The following NEBL variants were observed in gnomAD, a reference collection of about 807,000 sequenced individuals.
NEBL encodes the protein nebulette.
In NEBL, 122 loss-of-function variants were observed where a neutral mutation model predicts 140.2. The observed-to-expected ratio is 0.87, with a 90% CI of 0.75 to 1.01. NEBL has a LOEUF of 1.01. Ranked by LOEUF, NEBL falls within the 50% of genes least tolerant of loss-of-function variation. The pLI, the probability that NEBL is intolerant of heterozygous loss-of-function variation, is 0.00. For missense variants in NEBL, 1,365 were observed against 1,231.3 expected (o/e 1.11, Z -1.62); for synonymous variants, 436 against 398.9 (o/e 1.09, Z -1.11).
intron 4 of NEBL, among the ~76,000 whole-genome samples, chr10:20,884,125 A>G (rs1015258485): frequency 2.0e-5 from 3 of 152,250 alleles, no homozygotes; most frequent in Admixed American, 1.3e-4. Context: ...CTTTGTTTAT[A>G]TAAGTGATAA....
chr10:21,124,272 T>C (rs1207740208), intron 2 of NEBL, among the ~76,000 whole-genome samples: 1 of 152,246 alleles, frequency 6.6e-6, no homozygotes, highest in African/African-American at 2.4e-5. Context: ...TACTGTCCTT[T>C]ATAATTTAAG....
At chr10:21,101,316 A>C (rs1221447021) in intron 2 of NEBL, among the ~76,000 whole-genome samples, 1 of 152,232 alleles carries the variant, frequency 6.6e-6, no homozygotes, top group African/African-American at 2.4e-5. Flanking sequence ...AGTTCTTCCA[A>C]GGTAAGACTT....
intron 26 of NEBL, among the ~76,000 whole-genome samples, chr10:20,793,051 C>T (rs1455298512): frequency 1.3e-5 from 2 of 152,146 alleles, no homozygotes; most frequent in Admixed American, 6.5e-5. Context: ...GGATTCTTAG[C>T]ACTACAGAAA....
intron 2 of NEBL, among the ~76,000 whole-genome samples, chr10:21,023,458 A>C (rs1299132868): frequency 6.6e-6 from 1 of 152,004 alleles, no homozygotes; most frequent in African/African-American, 2.4e-5. Flanking sequence ...CTTTGGGAGG[A>C]CGAGGCAGGT....
intron 2 of NEBL, among the ~76,000 whole-genome samples, chr10:21,053,065 T>TATACAA (rs1834846974): frequency 6.6e-6 from 1 of 152,208 alleles, no homozygotes; most frequent in Non-Finnish European, 1.5e-5. Context: ...ATGCCTTGAT[T>TATACAA]TGATCACTAT....
Position 21,172,447 on chromosome 10 carries a change from C to A in NEBL, c.100G>T (p.Val34Phe). The A allele has an allele frequency of 2.5e-6, 4 of 1,613,018 alleles. No homozygotes were observed. The East Asian group carries it at 8.9e-5, about 36-fold the overall frequency. ...TTCATGTTGAGTGCCATCTTGCAGA[C>A]CTCACAATGGAAACATCCTTTATGC... The change falls in exon 2 of 7, where the codon GTC becomes TTC. Residue 34 changes from valine to phenylalanine, a missense_variant. Coordinates refer to the NEBL transcript ENST00000417816.
chr10:20,868,929 A>G (rs1041751861), intron 6 of NEBL, among the ~76,000 whole-genome samples, 164 bp from the exon 7 acceptor site: 1 of 152,174 alleles, frequency 6.6e-6, no homozygotes, highest in Admixed American at 6.5e-5. Context: ...AATTGATTTT[A>G]TCCTGTGCTT....
rs1841162267 is a variant in NEBL, at chr10:21,173,238, G to A, written c.69+527C>T. Among the ~76,000 whole-genome samples the A allele has an allele frequency of 6.6e-6, 1 of 152,212 alleles. No individual in the cohort carries two copies. On this transcript the variant is annotated intron_variant, in intron 1 of 6. Coordinates refer to the NEBL transcript ENST00000417816. This position sits in a 1 kb window ranked among gnomAD's most constrained non-coding sequence, Gnocchi z 5.7. Reference sequence around the variant, plus strand: ...ACCCGTGGGTCCGGCTTGCCGCGCTGAGCCGGAGCTCTCCAGCAGGGATTA... The same window carrying A: ...ACCCGTGGGTCCGGCTTGCCGCGCTAAGCCGGAGCTCTCCAGCAGGGATTA...
At chr10:21,174,094 C>G in exon 1 of NEBL, 1 of 976,904 alleles carries the variant, frequency 1.0e-6, no homozygotes, top group South Asian at 4.8e-5. Context: ...GGCTCTGCGT[C>G]GCTCGCACTC....
intron 2 of NEBL, among the ~76,000 whole-genome samples, chr10:21,075,651 T>A (rs781497797): frequency 5.3e-5 from 8 of 152,172 alleles, no homozygotes; most frequent in Non-Finnish European, 8.8e-5. Flanking sequence ...GGCCCTCATT[T>A]TCCTCAACTC....
At chr10:21,082,760 C>CTTTTTTTTT (rs1564504896) in intron 2 of NEBL, among the ~76,000 whole-genome samples, 2 of 52,840 alleles carry the variant, frequency 3.8e-5, no homozygotes, top group African/African-American at 1.1e-4. Context: ...AGGAGGGATG[C>CTTTTTTTTT]ATTTTTTTTT....
intron 3 of NEBL, among the ~76,000 whole-genome samples, chr10:21,234,627 C>T (rs72800003): frequency 0.04 from 6,136 of 152,256 alleles, 191 homozygotes; most frequent in South Asian, 0.14. Flanking sequence ...TGAGCAGTGA[C>T]GTGCTGTTAA....
At chr10:21,140,920 GCATGTTCTGCA>G (rs1669651501) in intron 2 of NEBL, among the ~76,000 whole-genome samples, 1 of 151,712 alleles carries the variant, frequency 6.6e-6, no homozygotes, top group Non-Finnish European at 1.5e-5. Context: ...TAACAAACCT[GCATGTTCTGCA>G]CATGTTTCCC....
Position 20,783,465 on chromosome 10 carries a change from C to G in NEBL, c.*2282G>C, listed in dbSNP as rs193130023. ...AGCTTAAAATTTTAGGAGACTTATT[C>G]CTCAAATATGTATTGACTTTTATGC... On this transcript the variant is annotated 3_prime_UTR_variant, in exon 28 of 28. Transcript: ENST00000377122. The G allele has an allele frequency of 3.3e-5, 5 of 152,274 alleles. No homozygotes were observed. Among genetic ancestry groups the G allele is most frequent in the African/African-American group, 1.2e-4 (5 of 41,574 alleles). 9.4% of individuals were successfully genotyped at this position (152,274 alleles called of 1,614,324 possible).
chr10:21,189,455 T>G (rs1841535150), intron 3 of NEBL, among the ~76,000 whole-genome samples: 1 of 152,106 alleles, frequency 6.6e-6, no homozygotes, highest in Admixed American at 6.6e-5. Flanking sequence ...TTGTTGCTTT[T>G]TTTTGGTTTT....
intron 25 of NEBL, 36 bp downstream of exon 25, chr10:20,809,770 C>G (rs1457309779): frequency 2.7e-6 from 4 of 1,463,026 alleles, no homozygotes; most frequent in Non-Finnish European, 3.8e-6. Flanking sequence ...TGGGACAAAA[C>G]CACATAAATG....
chr10:20,932,566 T>C (rs1169775424), intron 4 of NEBL, among the ~76,000 whole-genome samples: 1 of 152,222 alleles, frequency 6.6e-6, no homozygotes, highest in Non-Finnish European at 1.5e-5. Context: ...ATTCTGCACA[T>C]GTATCCCAGA....
intron 1 of NEBL, among the ~76,000 whole-genome samples, chr10:21,276,363 C>CT (rs1842925314): frequency 6.6e-6 from 1 of 152,180 alleles, no homozygotes. Context: ...ACACCTTGGG[C>CT]TTCATCCCAC....
intron 2 of NEBL, among the ~76,000 whole-genome samples, chr10:21,026,475 T>A (rs1170020911): frequency 2.6e-5 from 4 of 152,224 alleles, no homozygotes; most frequent in Non-Finnish European, 5.9e-5. Flanking sequence ...TAAACTTTGT[T>A]TTCATTCCTG....
Sources: allele counts gnomAD v4.1 joint callset (sites outside exome capture counted in the v4.1 genomes callset), GRCh38; gene constraint gnomAD v4.1.1; non-coding constraint Gnocchi (gnomAD v3.1); transcripts MANE v1.5; gene names NCBI Gene and HGNC (gene_info 2026-07-23, HGNC 2026-07-21).